Variants in ARHGAP44 observed in about 807,000 individuals in gnomAD.
ARHGAP44 encodes the protein Rho GTPase activating protein 44.
A neutral mutation model predicts 106.8 loss-of-function variants in ARHGAP44; 43 were observed. The ratio of observed to expected loss-of-function variants is 0.40; its 90% CI spans 0.32 to 0.52. ARHGAP44 has a LOEUF of 0.52. Among genes scored for constraint, ARHGAP44 ranks in the 20% least tolerant of loss-of-function variants. ARHGAP44 has a pLI of 0.48. For missense variants in ARHGAP44, 866 were observed against 1,050.5 expected (o/e 0.82, Z 2.43); for synonymous variants, 439 against 410.3 (o/e 1.07, Z -0.85).
At chr17:12,915,868 T>C in intron 4 of ARHGAP44, 32 bp from the exon 5 acceptor site, 1 of 1,571,794 alleles carries the variant, frequency 6.4e-7, no homozygotes, top group African/African-American at 1.3e-5. Context: ...TCTTCAAGAG[T>C]ATTCACTATT....
chr17:12,905,754 C>T (rs984429994), intron 3 of ARHGAP44, among the ~76,000 whole-genome samples: 1 of 152,182 alleles, frequency 6.6e-6, no homozygotes, highest in Non-Finnish European at 1.5e-5. Flanking sequence ...CAGAAAGATT[C>T]AGAAATGCTG....
chr17:12,940,837 G>A (rs1405007705), intron 7 of ARHGAP44, among the ~76,000 whole-genome samples: 1 of 152,148 alleles, frequency 6.6e-6, no homozygotes, highest in African/African-American at 2.4e-5. Context: ...AAATCTCTGG[G>A]GAAATGACTG....
intron 1 of ARHGAP44, among the ~76,000 whole-genome samples, chr17:12,886,928 T>G (rs2036896536): frequency 6.6e-6 from 1 of 151,628 alleles, no homozygotes; most frequent in African/African-American, 2.4e-5. Context: ...ATTTATGAAG[T>G]TGAGGAAGTT....
At position 12,984,512 on chromosome 17, in the gene ARHGAP44, G is replaced by A; in HGVS notation, c.1940-19G>A. ...CAACAACTTTGTGTTTTGTTGTTGT[G>A]TTGTGTTTTCTCTTTCAGTTTCAAA... is the stretch of plus-strand genomic sequence containing the variant. On this transcript the variant is annotated intron_variant, in intron 19 of 20. Coordinates refer to ENST00000379672, the MANE Select transcript of ARHGAP44 (RefSeq NM_014859.6). The A allele has an allele frequency of 6.6e-7, 1 of 1,509,046 alleles. No individual in the cohort carries two copies. The highest frequency in any genetic ancestry group is 8.8e-7 in the Non-Finnish European group (1 of 1,134,450). The allele number at this position is 1,509,046 out of a possible 1,614,324, so 93.5% of individuals were successfully genotyped here.
intron 1 of ARHGAP44, among the ~76,000 whole-genome samples, chr17:12,813,341 A>C (rs938449957): frequency 1.3e-5 from 2 of 152,074 alleles, no homozygotes; most frequent in Non-Finnish European, 2.9e-5. Flanking sequence ...GCAAATCAAA[A>C]GTAAAAATAA....
At chr17:12,923,460 G>A (rs1432377613) in intron 6 of ARHGAP44, among the ~76,000 whole-genome samples, 2 of 152,022 alleles carry the variant, frequency 1.3e-5, no homozygotes, top group South Asian at 2.1e-4. Context: ...AGGTAGATCC[G>A]TCTGCCTCAG....
chr17:12,975,376 GT>G (rs1168113158), intron 18 of ARHGAP44, among the ~76,000 whole-genome samples: 1 of 152,036 alleles, frequency 6.6e-6, no homozygotes, highest in Non-Finnish European at 1.5e-5. Flanking sequence ...GGTGGCGGTT[GT>G]ACTGGGCCTG....
At chr17:12,894,107 T>C (rs1485836102) in intron 1 of ARHGAP44, among the ~76,000 whole-genome samples, 2 of 152,214 alleles carry the variant, frequency 1.3e-5, no homozygotes, top group Non-Finnish European at 2.9e-5. Context: ...ATTATAGTCT[T>C]TGATCATTGC....
At position 12,916,085 on chromosome 17, in the gene ARHGAP44, T is replaced by C. The variant is rs184874568; in HGVS notation, c.387+74T>C. ...ACAGGAGCCCCTCAATCATTCTGTTTCCAGCATTCTACTTCTTTCCCTTAA... is the reference window on the plus strand; with the variant it reads ...ACAGGAGCCCCTCAATCATTCTGTTCCCAGCATTCTACTTCTTTCCCTTAA... On this transcript the variant is annotated intron_variant, in intron 5 of 20. Transcript: ENST00000379672. The C allele has an allele frequency of 1.3e-4, 161 of 1,206,304 alleles. 1 individual carries two copies. In the Admixed American group the frequency reaches 1.4e-3, roughly 10 times the overall value. 74.7% of individuals were successfully genotyped at this position (1,206,304 alleles called of 1,614,324 possible).
At chr17:12,868,847 A>T (rs1011686734) in intron 1 of ARHGAP44, among the ~76,000 whole-genome samples, 1 of 151,048 alleles carries the variant, frequency 6.6e-6, no homozygotes, top group South Asian at 2.1e-4. Flanking sequence ...TAGTAGAGAC[A>T]GGGTCTCACC....
At chr17:12,809,048 CA>C (rs1381201168) in intron 1 of ARHGAP44, among the ~76,000 whole-genome samples, 1 of 152,186 alleles carries the variant, frequency 6.6e-6, no homozygotes, top group Non-Finnish European at 1.5e-5. Context: ...ATCTCTAGGG[CA>C]GGGGCAAAAT....
At chr17:12,922,499 C>T (rs530971761) in intron 6 of ARHGAP44, among the ~76,000 whole-genome samples, 38 of 152,242 alleles carry the variant, frequency 2.5e-4, no homozygotes, top group Middle Eastern at 3.4e-3. Context: ...ACACCATGCT[C>T]CTGGGCAGAG....
intron 20 of ARHGAP44, among the ~76,000 whole-genome samples, chr17:12,989,336 G>A (rs908082450): frequency 1.3e-5 from 2 of 152,086 alleles, no homozygotes; most frequent in African/African-American, 4.8e-5. Context: ...CCAGTCTAAG[G>A]ACTTCTGTCG....
chr17:12,976,265 C>A (rs1362889502), intron 18 of ARHGAP44, among the ~76,000 whole-genome samples: 2 of 152,022 alleles, frequency 1.3e-5, no homozygotes, highest in Admixed American at 1.3e-4. Flanking sequence ...CCACACCAAC[C>A]CCCTACATGA....
chr17:12,975,058 C>T (rs1377045974), intron 18 of ARHGAP44, among the ~76,000 whole-genome samples: 1 of 152,018 alleles, frequency 6.6e-6, no homozygotes, highest in East Asian at 1.9e-4. Context: ...CTATGCTGGC[C>T]AGGCTGGTCT....
intron 1 of ARHGAP44, among the ~76,000 whole-genome samples, chr17:12,876,278 T>G (rs1181760936): frequency 6.6e-6 from 1 of 152,188 alleles, no homozygotes; most frequent in Admixed American, 6.5e-5. Context: ...CTTGCTTTAC[T>G]AATTCCCTCC....
intron 1 of ARHGAP44, among the ~76,000 whole-genome samples, chr17:12,815,606 A>T (rs2034576780): frequency 6.6e-6 from 1 of 152,180 alleles, no homozygotes; most frequent in African/African-American, 2.4e-5. Context: ...GAAGATAAGA[A>T]ATTGGCTCCA....
chr17:12,986,739 A>G (rs1212320604), intron 20 of ARHGAP44: 2 of 172,996 alleles, frequency 1.2e-5, no homozygotes, highest in Non-Finnish European at 2.4e-5. Context: ...AGCAGAAAAG[A>G]GCAGAAGGAG....
At chr17:12,928,847 A>G (rs1208159339) in intron 6 of ARHGAP44, 82 bp from the exon 7 acceptor site, 2 of 1,232,070 alleles carry the variant, frequency 1.6e-6, no homozygotes, top group Non-Finnish European at 2.3e-6. Context: ...TGATATTTGT[A>G]ACCAGATGTT....
Sources: allele counts gnomAD v4.1 joint callset (sites outside exome capture counted in the v4.1 genomes callset), GRCh38; gene constraint gnomAD v4.1.1; transcripts MANE v1.5; gene names NCBI Gene and HGNC (gene_info 2026-07-23, HGNC 2026-07-21).